MLF1: variants seen among roughly 807,000 people sequenced by gnomAD.
MLF1 encodes myeloid leukemia factor 1.
In MLF1, 37 loss-of-function variants were observed where a neutral mutation model predicts 38.3. That is an observed-to-expected ratio of 0.96 (90% CI 0.74 to 1.27). The LOEUF is 1.27. Ranked by LOEUF, MLF1 falls within the 50% of genes most tolerant of loss-of-function variation. MLF1 has a pLI of 0.00. For missense variants in MLF1, 331 were observed against 349.2 expected (o/e 0.95, Z 0.42); for synonymous variants, 95 against 106.5 (o/e 0.89, Z 0.66).
intron 1 of MLF1, among the ~76,000 whole-genome samples, chr3:158,577,550 A>G (rs1395433835): frequency 6.6e-6 from 1 of 152,240 alleles, no homozygotes; most frequent in Non-Finnish European, 1.5e-5. Flanking sequence ...ATTACCTAGT[A>G]TAATTGTTCT....
At chr3:158,586,649 C>T (rs895518896) in intron 1 of MLF1, among the ~76,000 whole-genome samples, 2 of 152,186 alleles carry the variant, frequency 1.3e-5, no homozygotes, top group African/African-American at 4.8e-5. Flanking sequence ...GGAATTGTTT[C>T]TCACCATTTT....
In MLF1 at chr3:158,602,897, G is replaced by A. The variant is rs1720004384; in HGVS notation, c.704G>A (p.Ser235Asn). The change falls in exon 7 of 8, where the codon AGT (serine) becomes AAT (asparagine). Residue 235 changes from serine (S) to asparagine (N), a missense_variant. Coordinates refer to ENST00000466246, the MANE Select transcript of MLF1 (RefSeq NM_001369783.1). The part of the protein sequence containing the change: ...RHNLGNTRMR[S>N]VGHENPGSRE... ...AATCTAGGAAACACTAGAATGAGAA[G>A]TGTTGGCCATGAGAATCCTGGCTCC... is the stretch of plus-strand genomic sequence containing the variant. 2.5e-6 allele frequency: 4 copies of A among 1,613,694 alleles called. No homozygotes were observed.
intron 4 of MLF1, 100 bp from the exon 5 acceptor site, chr3:158,597,980 C>G: frequency 8.0e-7 from 1 of 1,250,810 alleles, no homozygotes; most frequent in Non-Finnish European, 1.1e-6. Flanking sequence ...AGTTTAGTAT[C>G]CTTAGTAGAA....
intron 1 of MLF1, among the ~76,000 whole-genome samples, chr3:158,587,711 C>T (rs988622621): frequency 6.6e-6 from 1 of 152,182 alleles, no homozygotes; most frequent in Admixed American, 6.6e-5. Flanking sequence ...TTTAAAAGAG[C>T]ATGGCTTGGC....
At chr3:158,583,174 G>A (rs1424759253) in intron 1 of MLF1, among the ~76,000 whole-genome samples, 1 of 152,144 alleles carries the variant, frequency 6.6e-6, no homozygotes, top group South Asian at 2.1e-4. Context: ...GACTGTATAT[G>A]ACGGGAAGAA....
intron 1 of MLF1, among the ~76,000 whole-genome samples, chr3:158,576,624 T>A (rs976062805): frequency 6.6e-6 from 1 of 151,966 alleles, no homozygotes; most frequent in Non-Finnish European, 1.5e-5. Context: ...TTACCAGCTA[T>A]TGGAGATAGA....
chr3:158,596,978 G>T (rs1177057756), intron 4 of MLF1, 33 bp downstream of exon 4: 4 of 1,368,526 alleles, frequency 2.9e-6, no homozygotes, highest in Admixed American at 3.6e-5. Flanking sequence ...TGAGAACATT[G>T]TGTATACTTT....
chr3:158,592,307 TTC>T, intron 1 of MLF1, 125 bp from the exon 2 acceptor site: 1 of 690,978 alleles, frequency 1.4e-6, no homozygotes, highest in Middle Eastern at 2.7e-4. Flanking sequence ...TAAAATAGAG[TTC>T]TCTTCTACTC....
chr3:158,596,964 G>C lies in MLF1; in HGVS notation c.324+19G>C. On this transcript the variant is annotated intron_variant, in intron 4 of 7. Coordinates refer to ENST00000466246, the MANE Select transcript of MLF1 (RefSeq NM_001369783.1). ...AAACTTCGTAAGTACTAAAAACAAA[G>C]CATTGAGAACATTGTGTATACTTTG... is the stretch of plus-strand genomic sequence containing the variant. The C allele has an allele frequency of 6.8e-7, 1 of 1,478,714 alleles. No homozygotes were observed. The highest frequency in any genetic ancestry group is 9.4e-7 in the Non-Finnish European group (1 of 1,063,322). 91.6% of individuals were successfully genotyped at this position (1,478,714 alleles called of 1,614,324 possible). A position where few individuals can be genotyped will look rare whatever the true frequency, so the allele number is the denominator to read the frequency against.
intron 1 of MLF1, among the ~76,000 whole-genome samples, chr3:158,576,390 G>T (rs920075678): frequency 6.6e-6 from 1 of 152,152 alleles, no homozygotes. Flanking sequence ...CTAACAATAT[G>T]CATATTGTTA....
At chr3:158,594,092 T>G (rs1336653875) in intron 3 of MLF1, among the ~76,000 whole-genome samples, 4 of 152,206 alleles carry the variant, frequency 2.6e-5, no homozygotes, top group African/African-American at 7.2e-5. Flanking sequence ...CCTTGAAGTT[T>G]GGCATACAGG....
chr3:158,596,997 C>A, intron 4 of MLF1, 52 bp downstream of exon 4: 2 of 1,192,224 alleles, frequency 1.7e-6, no homozygotes, highest in Non-Finnish European at 2.4e-6. Context: ...TTGATATATT[C>A]TATTTCATAG....
At chr3:158,591,550 T>C (rs180775933) in intron 1 of MLF1, among the ~76,000 whole-genome samples, 73 of 152,214 alleles carry the variant, frequency 4.8e-4, no homozygotes, top group African/African-American at 1.7e-3. Flanking sequence ...GAAGAATAAC[T>C]GAAGTGGAGA....
intron 3 of MLF1, among the ~76,000 whole-genome samples, chr3:158,595,327 G>A (rs1056663188): frequency 6.6e-6 from 1 of 152,104 alleles, no homozygotes; most frequent in African/African-American, 2.4e-5. Flanking sequence ...AATTTTTGAA[G>A]GCCTTAAGGG....
Position 158,605,493 on chromosome 3 carries a change from G to A in MLF1, c.*291G>A. 1 of 254,582 alleles carries A rather than the reference G, an allele frequency of 3.9e-6. No individual in the cohort carries two copies. Among genetic ancestry groups the A allele is most frequent in the South Asian group, 1.4e-4 (1 of 7,112 alleles). The allele number at this position is 254,582 out of a possible 1,614,324, so 15.8% of individuals were successfully genotyped here. Reference sequence around the variant, plus strand: ...ATTTCGCTTCCCCAGTTGTTTTTGTGTTGGCTAAATATTCTTTTATATTTA... The same window carrying A: ...ATTTCGCTTCCCCAGTTGTTTTTGTATTGGCTAAATATTCTTTTATATTTA... On this transcript the variant is annotated 3_prime_UTR_variant, in exon 8 of 8. Transcript: ENST00000466246.
chr3:158,590,250 A>G (rs116456776), intron 1 of MLF1, among the ~76,000 whole-genome samples: 2,007 of 152,322 alleles, frequency 0.013, 47 homozygotes, highest in African/African-American at 0.046. Flanking sequence ...CATGAATGAC[A>G]AATAATACAA....
intron 1 of MLF1, among the ~76,000 whole-genome samples, chr3:158,585,871 A>G (rs555177087): frequency 1.2e-4 from 19 of 152,332 alleles, no homozygotes; most frequent in African/African-American, 4.1e-4. Context: ...GATTGAAAAG[A>G]GCAATTTAAG....
At position 158,602,902 on chromosome 3, in the gene MLF1, G is replaced by A. The variant is rs1720004779; in HGVS notation, c.709G>A (p.Gly237Ser). 5 of 1,613,594 alleles carry A rather than the reference G, an allele frequency of 3.1e-6. No individual in the cohort carries two copies. Among genetic ancestry groups the A allele is most frequent in the Non-Finnish European group, 3.4e-6 (4 of 1,179,798 alleles). ...AGGAAACACTAGAATGAGAAGTGTT[G>A]GCCATGAGAATCCTGGCTCCCGAGA... Reference protein sequence around the residue: ...NLGNTRMRSVGHENPGSRELK... With the variant: ...NLGNTRMRSVSHENPGSRELK... Residue 237 changes from glycine (G) to serine (S), a missense_variant, in exon 7 of 8, where the codon GGC becomes AGC. By Grantham distance (56) the Gly-to-Ser change is moderately conservative (BLOSUM62 0). Coordinates refer to ENST00000466246, the MANE Select transcript of MLF1 (RefSeq NM_001369783.1).
intron 1 of MLF1, chr3:158,582,898 A>T (rs967649033): frequency 1.4e-6 from 1 of 691,326 alleles, no homozygotes; most frequent in Non-Finnish European, 2.6e-6. Flanking sequence ...GATGTACATT[A>T]AAAAAGCAAG....
Sources: allele counts gnomAD v4.1 joint callset (sites outside exome capture counted in the v4.1 genomes callset), GRCh38; gene constraint gnomAD v4.1.1; transcripts MANE v1.5; gene names NCBI Gene and HGNC (gene_info 2026-07-23, HGNC 2026-07-21).